HHIPL1: variants seen among roughly 807,000 people sequenced by gnomAD.
HHIPL1 encodes the protein HHIP-like protein 1.
In HHIPL1, 43 loss-of-function variants were observed where a neutral mutation model predicts 61.8. The ratio of observed to expected loss-of-function variants is 0.70; its 90% CI spans 0.55 to 0.90. The LOEUF (loss-of-function observed/expected upper bound fraction) is 0.90. Ranked by LOEUF, HHIPL1 falls within the 40% of genes least tolerant of loss-of-function variation. HHIPL1 has a pLI of 0.00. For missense variants in HHIPL1, 1,056 were observed against 1,157.7 expected, an observed-to-expected ratio of 0.91 and a Z score of 1.28; for synonymous variants, 482 against 515.8, an observed-to-expected ratio of 0.93 and a Z score of 0.89.
At chr14:99,650,541 G>A (rs556773229) in intron 1 of HHIPL1, among the ~76,000 whole-genome samples, 10 of 152,342 alleles carry the variant, frequency 6.6e-5, no homozygotes, top group Admixed American at 2.6e-4. Context: ...CTTAACTGGC[G>A]TTGGGGATGG....
At chr14:99,626,347 C>G in the HHIPL1 span, among the ~76,000 whole-genome samples, 4 of 152,118 alleles carry the variant, frequency 2.6e-5, no homozygotes, top group African/African-American at 4.8e-5. Context: ...AAACATGTTC[C>G]CAGCTTCCCT....
intron 4 of HHIPL1, 26 bp downstream of exon 4, chr14:99,659,782 C>A: frequency 7.3e-7 from 1 of 1,377,748 alleles, no homozygotes; most frequent in Non-Finnish European, 9.4e-7. Flanking sequence ...CCGGGGACCC[C>A]GGCCCCGAAT....
the HHIPL1 span, among the ~76,000 whole-genome samples, chr14:99,631,064 C>CTTT: frequency 8.2e-6 from 1 of 122,310 alleles, no homozygotes; most frequent in South Asian, 2.8e-4. Flanking sequence ...TTCTTTCTTT[C>CTTT]TTTCTTTCTT....
intron 1 of HHIPL1, among the ~76,000 whole-genome samples, chr14:99,650,374 C>T (rs2055907057): frequency 6.6e-6 from 1 of 152,210 alleles, no homozygotes; most frequent in African/African-American, 2.4e-5. Flanking sequence ...CTGACTCAGA[C>T]CCAGGCTTGG....
At chr14:99,633,492 C>A in the HHIPL1 span, among the ~76,000 whole-genome samples, 1 of 152,176 alleles carries the variant, frequency 6.6e-6, no homozygotes, top group Non-Finnish European at 1.5e-5. Flanking sequence ...GGCTTGAGAC[C>A]TGCAGAGTTG....
the HHIPL1 span, among the ~76,000 whole-genome samples, chr14:99,630,110 A>T: frequency 6.6e-6 from 1 of 152,214 alleles, no homozygotes; most frequent in African/African-American, 2.4e-5. Context: ...TCTGTAGGAA[A>T]GCTAGTATTG....
intron 1 of HHIPL1, among the ~76,000 whole-genome samples, chr14:99,647,886 C>T (rs1033435711): frequency 3.9e-5 from 6 of 152,182 alleles, no homozygotes; most frequent in African/African-American, 1.4e-4. Context: ...GGAGAGAGGA[C>T]AGCCATGGCA....
At chr14:99,652,015 G>A (rs1446330875) in intron 1 of HHIPL1, among the ~76,000 whole-genome samples, 1 of 152,190 alleles carries the variant, frequency 6.6e-6, no homozygotes, top group Non-Finnish European at 1.5e-5. Context: ...ATTAATAGGA[G>A]TAGTAATAGT....
upstream of HHIPL1, chr14:99,644,996 A>C: frequency 2.5e-6 from 1 of 405,906 alleles, no homozygotes; most frequent in Non-Finnish European, 4.2e-6. Flanking sequence ...AAGCGGTTAA[A>C]AGAGGTCGTG....
At chr14:99,631,114 CTT>C in the HHIPL1 span, among the ~76,000 whole-genome samples, 30 of 126,796 alleles carry the variant, frequency 2.4e-4, no homozygotes, top group African/African-American at 7.9e-4. Flanking sequence ...CTTTCTCTCT[CTT>C]TCTTTCTTTC....
chr14:99,675,129 GCGCGGGCGCCCACGCGGGCGCCCCGC>G lies in HHIPL1; in HGVS notation c.1855_1880del (p.Thr622HisfsTer187). The G allele has an allele frequency of 8.8e-7, 1 of 1,132,822 alleles. No homozygotes were observed. The allele number at this position is 1,132,822 out of a possible 1,614,324, so 70.2% of individuals were successfully genotyped here. A position where few individuals can be genotyped will look rare whatever the true frequency, so the allele number is the denominator to read the frequency against. Reference sequence around the variant, plus strand: ...GACACGGAGCACCCCGCGGCCTACAGCGCGGGCGCCCACGCGGGCGCCCCGCCGAGGGCGCCCCACGGCCGCTCCCC... The same window carrying G: ...GACACGGAGCACCCCGCGGCCTACAGCGAGGGCGCCCCACGGCCGCTCCCC... On this transcript the variant is annotated frameshift_variant, in exon 9 of 9. Transcript: ENST00000330710. LOFTEE classifies it low-confidence loss of function (END_TRUNC). The surrounding 1 kb of genome is among the most constrained non-coding windows in gnomAD (Gnocchi z 5.4).
chr14:99,634,984 C>T, the HHIPL1 span, among the ~76,000 whole-genome samples: 1 of 152,180 alleles, frequency 6.6e-6, no homozygotes, highest in Non-Finnish European at 1.5e-5. Flanking sequence ...TGAGGTTGGT[C>T]TTGTGTCCCT....
the HHIPL1 span, among the ~76,000 whole-genome samples, chr14:99,631,553 A>G: frequency 6.6e-6 from 1 of 152,124 alleles, no homozygotes; most frequent in East Asian, 1.9e-4. Context: ...CACTGGGTAC[A>G]CACACGTGGG....
rs1355039014 is a variant in HHIPL1 at position 99,680,507 on chromosome 14, GC to G, written c.*4883del. ...GCTATCCAATAGAAACATAATGTGA[GC>G]CAAATAGGTAATTTAAAATCTGCTT... On this transcript the variant is annotated 3_prime_UTR_variant, in exon 9 of 9. Coordinates refer to ENST00000330710, the MANE Select transcript of HHIPL1 (RefSeq NM_001127258.3). The G allele has an allele frequency of 3.0e-4, 45 of 152,236 alleles. No homozygotes were observed. The highest frequency in any genetic ancestry group is 1.0e-3 in the African/African-American group (43 of 41,526). 9.4% of individuals were successfully genotyped at this position (152,236 alleles called of 1,614,324 possible).
At chr14:99,609,474 G>A in the HHIPL1 span, among the ~76,000 whole-genome samples, 3 of 152,256 alleles carry the variant, frequency 2.0e-5, no homozygotes, top group African/African-American at 7.2e-5. Context: ...GCCCCTGGCA[G>A]ACTGGGCTAC....
chr14:99,640,884 T>TC (rs1315878107), upstream of HHIPL1, among the ~76,000 whole-genome samples: 31 of 128,152 alleles, frequency 2.4e-4, no homozygotes, highest in African/African-American at 9.2e-4. Flanking sequence ...CTTCTTTTTT[T>TC]TTTTTTTTTT....
chr14:99,662,397 G>A (rs997550657), intron 5 of HHIPL1, among the ~76,000 whole-genome samples: 2 of 152,224 alleles, frequency 1.3e-5, no homozygotes, highest in Non-Finnish European at 2.9e-5. Flanking sequence ...TGCTTGGCAG[G>A]TTCTGAAACC....
intron 5 of HHIPL1, among the ~76,000 whole-genome samples, chr14:99,661,138 A>T (rs1481560128): frequency 1.3e-4 from 1 of 7,634 alleles, no homozygotes; most frequent in Non-Finnish European, 4.0e-3. Flanking sequence ...GAGCCTCGTG[A>T]CCACCTTGTC....
At chr14:99,604,612 G>A in the HHIPL1 span, 3 of 152,124 alleles carry the variant, frequency 2.0e-5, no homozygotes, top group Non-Finnish European at 4.4e-5. Flanking sequence ...CTTTTAAAAT[G>A]CAGGTACGGC....
Sources: gnomAD v4.1 joint callset for allele counts (sites outside exome capture counted in the v4.1 genomes callset) on GRCh38, gnomAD v4.1.1 for gene constraint, Gnocchi (gnomAD v3.1) non-coding constraint, MANE v1.5 for transcripts, NCBI Gene and HGNC (gene_info 2026-07-23, HGNC 2026-07-21) for gene names.